Variants in OLA1 observed in about 807,000 individuals in gnomAD.
The protein encoded by OLA1 is obg-like ATPase 1.
Under a neutral mutation model 48.4 loss-of-function variants are expected in OLA1, and 14 were observed. The ratio of observed to expected loss-of-function variants is 0.29; its 90% CI spans 0.19 to 0.45. The LOEUF (loss-of-function observed/expected upper bound fraction) is 0.45, where lower values mean the gene tolerates loss of function less well. Ranked by LOEUF, OLA1 falls within the 20% of genes least tolerant of loss-of-function variation. OLA1 has a pLI of 1.00. For missense variants in OLA1, 325 were observed against 467.1 expected, an observed-to-expected ratio of 0.70 and a Z score of 2.80; for synonymous variants, 127 against 150.4, an observed-to-expected ratio of 0.84 and a Z score of 1.14.
chr2:174,099,157 TTTA>T (rs1299510166), intron 7 of OLA1, among the ~76,000 whole-genome samples: 1 of 151,514 alleles, frequency 6.6e-6, no homozygotes, highest in Non-Finnish European at 1.5e-5. Context: ...TGTTATTTTA[TTTA>T]TTTTTTTTTT....
intron 7 of OLA1, among the ~76,000 whole-genome samples, chr2:174,121,252 T>C (rs1685907903): frequency 6.6e-6 from 1 of 152,218 alleles, no homozygotes; most frequent in South Asian, 2.1e-4. Flanking sequence ...GCAATCTTTC[T>C]GGCTCCAGTA....
chr2:174,146,420 A>G (rs1443620572), intron 4 of OLA1, among the ~76,000 whole-genome samples: 1 of 152,260 alleles, frequency 6.6e-6, no homozygotes, highest in Non-Finnish European at 1.5e-5. Flanking sequence ...TGATAACCAG[A>G]TAAGTGGTAC....
chr2:174,099,313 G>A (rs184841240), intron 7 of OLA1, among the ~76,000 whole-genome samples: 257 of 152,080 alleles, frequency 1.7e-3, no homozygotes, highest in African/African-American at 5.5e-4. Flanking sequence ...GTGCCACCAC[G>A]CCCAGCTAAT....
rs75215077 is a variant in OLA1 at position 174,096,555 on chromosome 2, T to C, written c.729-14491A>G. Among the ~76,000 whole-genome samples, 539 of 152,180 alleles carry C rather than the reference T, an allele frequency of 3.5e-3. 10 individuals are homozygous for C. In the East Asian group the frequency reaches 0.045, roughly 13 times the overall value. On this transcript the variant is annotated intron_variant, in intron 7 of 10. Transcript: ENST00000284719. ...TTCCTTTGGAAATAGTATGGGCCAA[T>C]AGAAAAAGCAGAGATTTTGGAGTAA...
intron 2 of OLA1, among the ~76,000 whole-genome samples, chr2:174,232,572 T>TTG (rs1401775964): frequency 6.6e-6 from 1 of 152,214 alleles, no homozygotes; most frequent in Non-Finnish European, 1.5e-5. Flanking sequence ...AACAGATTAT[T>TTG]TCTCCAAAGA....
chr2:174,189,212 A>C (rs1574538775), intron 4 of OLA1, among the ~76,000 whole-genome samples: 1 of 152,180 alleles, frequency 6.6e-6, no homozygotes, highest in East Asian at 1.9e-4. Context: ...AGAGATTTAC[A>C]AAGAAAAAAA....
At chr2:174,217,621 C>T (rs1175738770) in intron 4 of OLA1, among the ~76,000 whole-genome samples, 1 of 152,122 alleles carries the variant, frequency 6.6e-6, no homozygotes, top group Admixed American at 6.5e-5. Context: ...GTGAAACCAT[C>T]GCTACAAACA....
In OLA1 at chr2:174,163,017, C is replaced by G. The variant is rs546577904; in HGVS notation, c.374-21017G>C. On this transcript the variant is annotated intron_variant, in intron 4 of 10. Coordinates refer to ENST00000284719, the MANE Select transcript of OLA1 (RefSeq NM_013341.5). ...CTTGATAGTGCCACTGCACTCCAGC[C>G]TGGGCAACAGAGTGAGACTGTCTCA... Among the ~76,000 whole-genome samples the G allele has an allele frequency of 1.1e-4, 16 of 152,274 alleles. No individual in the cohort carries two copies. In the South Asian group the frequency reaches 3.3e-3, roughly 32 times the overall value.
Position 174,141,958 on chromosome 2 carries a change from A to G in OLA1, c.416T>C (p.Val139Ala). Residue 139 changes from valine to alanine, a missense_variant, in exon 5 of 11, where the codon GTA (valine) becomes GCA (alanine). Val to Ala is a moderately conservative substitution (Grantham distance 64). Coordinates refer to ENST00000284719, the MANE Select transcript of OLA1 (RefSeq NM_013341.5). ...TATTTCTATATCTCGAATAGGATCT[A>G]CACTTCCTTCAACGTGCGTGATATC... ...DDDITHVEGS[V>A]DPIRDIEIIH... 6.2e-7 allele frequency: 1 copy of G among 1,613,430 alleles called. No homozygotes were observed. Among genetic ancestry groups the G allele is most frequent in the Non-Finnish European group, 8.5e-7 (1 of 1,179,770 alleles).
chr2:174,208,408 C>G (rs1688164067), intron 4 of OLA1, among the ~76,000 whole-genome samples: 1 of 152,034 alleles, frequency 6.6e-6, no homozygotes, highest in East Asian at 1.9e-4. Flanking sequence ...AAAAATGCAC[C>G]TCTGAAAATG....
chr2:174,219,034 C>T (rs968535732), intron 4 of OLA1, among the ~76,000 whole-genome samples: 5 of 144,038 alleles, frequency 3.5e-5, no homozygotes, highest in East Asian at 4.3e-4. Context: ...CTGTGCTTCC[C>T]GGGCCAATCT....
At chr2:174,077,357 CAT>C (rs1684767562) in intron 10 of OLA1, among the ~76,000 whole-genome samples, 1 of 151,888 alleles carries the variant, frequency 6.6e-6, no homozygotes, top group African/African-American at 2.4e-5. Flanking sequence ...TACATACATA[CAT>C]ACATACACAC....
At chr2:174,247,084 G>A in intron 1 of OLA1, 1 of 222,908 alleles carries the variant, frequency 4.5e-6, no homozygotes. Context: ...GGCCGGGCAC[G>A]GTGGCTCAGG....
At chr2:174,183,278 G>A (rs1687587684) in intron 4 of OLA1, among the ~76,000 whole-genome samples, 1 of 152,180 alleles carries the variant, frequency 6.6e-6, no homozygotes, top group South Asian at 2.1e-4. Context: ...GAATGAGCTG[G>A]CCAATAGCAA....
At chr2:174,144,648 A>G (rs1246938131) in intron 4 of OLA1, among the ~76,000 whole-genome samples, 1 of 151,766 alleles carries the variant, frequency 6.6e-6, no homozygotes, top group African/African-American at 2.4e-5. Flanking sequence ...ACAAGATTTA[A>G]TGCTTAAGAA....
chr2:174,172,532 G>C (rs1687333919), intron 4 of OLA1: 2 of 164,024 alleles, frequency 1.2e-5, no homozygotes, highest in African/African-American at 4.7e-5. Context: ...CAACCAGTGG[G>C]CAAGGGAACA....
Position 174,139,227 on chromosome 2 carries a change from T to C in OLA1, c.549+2598A>G, listed in dbSNP as rs367712411. Reference sequence around the variant, plus strand: ...TGTGTCCTTATAAGAAGAGAGAAATTTGGACAGAGACACACAGGAAAGGTG... The same window carrying C: ...TGTGTCCTTATAAGAAGAGAGAAATCTGGACAGAGACACACAGGAAAGGTG... On this transcript the variant is annotated intron_variant, in intron 5 of 10. Coordinates refer to ENST00000284719, the MANE Select transcript of OLA1 (RefSeq NM_013341.5). 3.9e-5 allele frequency among the ~76,000 whole-genome samples: 6 copies of C among 152,096 alleles called. No individual in the cohort carries two copies. The East Asian group carries it at 9.6e-4, about 24-fold the overall frequency.
chr2:174,173,140 G>A (rs1687345473), intron 4 of OLA1, among the ~76,000 whole-genome samples: 1 of 152,098 alleles, frequency 6.6e-6, no homozygotes, highest in South Asian at 2.1e-4. Context: ...TTATAGCAAT[G>A]CAAAAATGGA....
chr2:174,146,652 AG>A, intron 4 of OLA1, among the ~76,000 whole-genome samples: 1 of 152,334 alleles, frequency 6.6e-6, no homozygotes, highest in South Asian at 2.1e-4. Flanking sequence ...ACTGACCTAA[AG>A]TCAGAGAAAA....
Sources: gnomAD v4.1 joint callset for allele counts (sites outside exome capture counted in the v4.1 genomes callset) on GRCh38, gnomAD v4.1.1 for gene constraint, MANE v1.5 for transcripts, NCBI Gene and HGNC (gene_info 2026-07-23, HGNC 2026-07-21) for gene names.